The following RS1 variants were observed in gnomAD, a reference collection of about 807,000 sequenced individuals.
The protein encoded by RS1 is retinoschisin 1.
A neutral mutation model predicts 20.8 loss-of-function variants in RS1; 2 were observed. That is an observed-to-expected ratio of 0.10 (90% CI 0.04 to 0.30). The LOEUF (loss-of-function observed/expected upper bound fraction) is 0.30. Ranked by LOEUF, RS1 falls within the 10% of genes least tolerant of loss-of-function variation. The pLI is 1.00. For missense variants in RS1, 151 were observed against 189.8 expected (o/e 0.80, Z 1.20); for synonymous variants, 70 against 75.8 (o/e 0.92, Z 0.40).
rs1393417434 is a variant in RS1 at position 18,645,507 on chromosome X, A to G, written c.327-882T>C. Among the ~76,000 whole-genome samples the G allele has an allele frequency of 3.7e-5, 4 of 106,763 alleles. No homozygotes were observed. In the East Asian group the frequency reaches 1.2e-3, roughly 32 times the overall value. 92.7% of individuals were successfully genotyped at this position (106,763 alleles called of 115,157 possible). A position where few individuals can be genotyped will look rare whatever the true frequency, so the allele number is the denominator to read the frequency against. ...ATCCTTGCATGTGTCCATGCCGGCC[A>G]CCTGAGAACCATCCTGGGCCCCTCC... On this transcript the variant is annotated intron_variant, in intron 4 of 5. Coordinates refer to ENST00000379984, the MANE Select transcript of RS1 (RefSeq NM_000330.4).
chrX:18,648,752 G>C (rs1052111979), intron 3 of RS1, among the ~76,000 whole-genome samples: 1 of 111,782 alleles, frequency 8.9e-6, no homozygotes, highest in Non-Finnish European at 1.9e-5. Flanking sequence ...ACATCTGATA[G>C]TTGGTGTGAC....
intron 1 of RS1, among the ~76,000 whole-genome samples, chrX:18,664,956 G>A (rs1275749220): frequency 8.9e-6 from 1 of 111,800 alleles, no homozygotes; most frequent in Non-Finnish European, 1.9e-5. Context: ...GGGCTCAAGG[G>A]ATCCTCCCAC....
At chrX:18,661,394 C>T (rs1471108640) in intron 1 of RS1, among the ~76,000 whole-genome samples, 5 of 111,302 alleles carry the variant, frequency 4.5e-5, no homozygotes, top group African/African-American at 1.6e-4. Flanking sequence ...TGTCTAGGGG[C>T]GAATGTTTAC....
chrX:18,658,635 T>C (rs960258211), intron 1 of RS1, among the ~76,000 whole-genome samples: 1 of 110,840 alleles, frequency 9.0e-6, no homozygotes, highest in Non-Finnish European at 1.9e-5. Context: ...TTTTGTATTT[T>C]TAGTAGAGAC....
chrX:18,657,477 C>G (rs1464455170), intron 2 of RS1, among the ~76,000 whole-genome samples, 163 bp downstream of exon 2: 17 of 110,562 alleles, frequency 1.5e-4, no homozygotes, highest in Admixed American at 1.4e-3. Flanking sequence ...CTTGCCTCGG[C>G]CTCCCAAAGT....
At chrX:18,666,513 T>G (rs947004206) in intron 1 of RS1, among the ~76,000 whole-genome samples, 1 of 111,539 alleles carries the variant, frequency 9.0e-6, no homozygotes, top group Admixed American at 9.5e-5. Flanking sequence ...AGCCAGTTCC[T>G]GCAGGGCCTC....
intron 5 of RS1, among the ~76,000 whole-genome samples, chrX:18,643,829 A>AATATATATATATATATATATAT (rs755520723): frequency 5.1e-4 from 54 of 105,887 alleles, no homozygotes; most frequent in Non-Finnish European, 8.2e-4. Flanking sequence ...ATTCATAGCA[A>AATATATATATATATATATATAT]ATATATATAT....
intron 1 of RS1, among the ~76,000 whole-genome samples, chrX:18,658,983 A>C (rs1928268115): frequency 8.9e-6 from 1 of 111,831 alleles, no homozygotes; most frequent in Admixed American, 9.6e-5. Flanking sequence ...TACCATATAC[A>C]TAATGTGGGA....
At chrX:18,661,330 A>T (rs1163511748) in intron 1 of RS1, among the ~76,000 whole-genome samples, 1 of 110,679 alleles carries the variant, frequency 9.0e-6, no homozygotes, top group African/African-American at 3.3e-5. Flanking sequence ...CGCTGCTCAA[A>T]CCTCTGGGGG....
intron 3 of RS1, chrX:18,650,266 C>G: frequency 3.6e-6 from 2 of 551,162 alleles, no homozygotes; most frequent in South Asian, 4.9e-5. Flanking sequence ...TCTAAAGACC[C>G]GTGTGTCCAG....
chrX:18,667,128 A>G (rs1462663961), intron 1 of RS1, among the ~76,000 whole-genome samples: 1 of 111,332 alleles, frequency 9.0e-6, no homozygotes, highest in African/African-American at 3.3e-5. Context: ...TGCAAAGGAA[A>G]TCAGCAATTA....
intron 3 of RS1, among the ~76,000 whole-genome samples, chrX:18,651,892 AGGTCCACATGTG>A (rs1262559662): frequency 9.1e-6 from 1 of 110,179 alleles, no homozygotes; most frequent in Non-Finnish European, 1.9e-5. Context: ...AGCTCTTTTC[AGGTCCACATGTG>A]GCCTGCAGCC....
intron 1 of RS1, among the ~76,000 whole-genome samples, chrX:18,665,717 T>C (rs935813766): frequency 1.9e-5 from 2 of 107,511 alleles, no homozygotes; most frequent in East Asian, 2.9e-4. Flanking sequence ...TAAAAATAAA[T>C]AAACAAACAA....
At chrX:18,652,297 C>T (rs917825378) in intron 3 of RS1, among the ~76,000 whole-genome samples, 13 of 111,992 alleles carry the variant, frequency 1.2e-4, no homozygotes, top group Admixed American at 1.1e-3. Flanking sequence ...ACACTGACTG[C>T]GACCTCTGGC....
At chrX:18,648,408 A>C (rs1397394510) in intron 3 of RS1, among the ~76,000 whole-genome samples, 1 of 109,382 alleles carries the variant, frequency 9.1e-6, no homozygotes, top group Non-Finnish European at 1.9e-5. Context: ...CACCCAGCTA[A>C]TTTTTGTATT....
In RS1 at chrX:18,672,061, C is replaced by T. The variant is rs374672514; in HGVS notation, c.8G>A (p.Arg3His). 7.4e-6 allele frequency: 9 copies of T among 1,208,113 alleles called. No individual in the cohort carries two copies. The highest frequency in any genetic ancestry group is 7.0e-5 in the South Asian group (4 of 56,779). ...TAATAACAAAAAGCCTTCTATCTTGCGTGACATCTTCCCCTCGTCCTCGGC... is the reference window on the plus strand; with the variant it reads ...TAATAACAAAAAGCCTTCTATCTTGTGTGACATCTTCCCCTCGTCCTCGGC... Reference protein sequence around the residue: MSRKIEGFLLLLL... With the variant: MSHKIEGFLLLLL... Residue 3 changes from arginine to histidine, a missense_variant, in exon 1 of 6, where the codon CGC becomes CAC. Transcript: ENST00000379984.
chrX:18,650,508 G>A lies in RS1; in HGVS notation c.185-3176C>T, dbSNP rs747799506. The stretch of plus-strand genomic sequence containing the variant: ...AATCTCCAGTCCTGCTCCCTATCCA[G>A]TACTCCAGGTCCGAGGCACTTCCAT... On this transcript the variant is annotated intron_variant, in intron 3 of 5. Coordinates refer to ENST00000379984, the MANE Select transcript of RS1 (RefSeq NM_000330.4). 4.4e-5 allele frequency: 53 copies of A among 1,210,386 alleles called. No individual in the cohort carries two copies. Among genetic ancestry groups the A allele is most frequent in the South Asian group, 4.2e-4 (24 of 56,860 alleles).
Position 18,644,102 on chromosome X carries a change from C to A in RS1, c.522+328G>T, listed in dbSNP as rs183048653. Among the ~76,000 whole-genome samples the A allele has an allele frequency of 4.6e-3, 517 of 111,971 alleles. 5 individuals are homozygous for A. Among genetic ancestry groups the A allele is most frequent in the African/African-American group, 0.015 (477 of 30,843 alleles). ...CCCACATCAATAACATCAGACCATA[C>A]CCGTGAAGCAAAGTGCATTCAATGA... On this transcript the variant is annotated intron_variant, in intron 5 of 5. Transcript: ENST00000379984.
intron 3 of RS1, chrX:18,650,093 ATC>A (rs1927966006): frequency 5.9e-6 from 2 of 339,036 alleles, no homozygotes; most frequent in Non-Finnish European, 5.3e-6. Context: ...GCTCTTCTTC[ATC>A]TGTTTCCCCT....
Sources: allele counts gnomAD v4.1 joint callset (sites outside exome capture counted in the v4.1 genomes callset), GRCh38; gene constraint gnomAD v4.1.1; transcripts MANE v1.5; gene names NCBI Gene and HGNC (gene_info 2026-07-23, HGNC 2026-07-21).